NCOA2: variants seen among roughly 807,000 people sequenced by gnomAD.
NCOA2 encodes nuclear receptor coactivator 2.
NCOA2 carries 21 observed loss-of-function variants against 145.1 expected under a neutral mutation model. That is an observed-to-expected ratio of 0.14 (90% CI 0.10 to 0.21). The LOEUF is 0.21. NCOA2 is among the 10% of genes least tolerant of loss of function. NCOA2 has a pLI of 1.00. For synonymous variants in NCOA2, 619 were observed against 637.5 expected, an observed-to-expected ratio of 0.97 and a Z score of 0.44; for missense variants, 1,472 against 1,837.6, an observed-to-expected ratio of 0.80 and a Z score of 3.64.
At chr8:70,126,718 A>G in intron 19 of NCOA2, 95 bp downstream of exon 19, 1 of 1,059,624 alleles carries the variant, frequency 9.4e-7, no homozygotes, top group Non-Finnish European at 1.4e-6. Flanking sequence ...TCTGGGAGCC[A>G]TGCAAAGAGC....
intron 2 of NCOA2, chr8:70,273,359 AT>A: frequency 1.7e-6 from 1 of 584,894 alleles, no homozygotes; most frequent in Non-Finnish European, 2.8e-6. Flanking sequence ...GCAGCCCCTT[AT>A]CCGCTGCGAC....
chr8:70,304,384 G>C (rs1827726085), intron 1 of NCOA2, among the ~76,000 whole-genome samples: 1 of 152,176 alleles, frequency 6.6e-6, no homozygotes, highest in African/African-American at 2.4e-5. Context: ...TATGTAGCAG[G>C]CTAGACCATC....
rs532863526 is a variant in NCOA2, at chr8:70,160,570, A to T, written c.977-918T>A. ...AAGGCTACTATGTTGCTACCACATAATCCTCAGCACAAATTTTGTGGGTTG... is the reference window on the plus strand; with the variant it reads ...AAGGCTACTATGTTGCTACCACATATTCCTCAGCACAAATTTTGTGGGTTG... On this transcript the variant is annotated intron_variant, in intron 9 of 22. Coordinates refer to ENST00000452400, the MANE Select transcript of NCOA2 (RefSeq NM_006540.4). Among the ~76,000 whole-genome samples the T allele has an allele frequency of 8.4e-4, 128 of 152,030 alleles. 1 individual carries two copies. Among genetic ancestry groups the T allele is most frequent in the African/African-American group, 3.0e-3 (124 of 41,478 alleles).
At chr8:70,236,325 T>G (rs1182706798) in intron 2 of NCOA2, among the ~76,000 whole-genome samples, 1 of 152,158 alleles carries the variant, frequency 6.6e-6, no homozygotes, top group Non-Finnish European at 1.5e-5. Flanking sequence ...ACGAAGTCTG[T>G]GCTTTCTCAA....
rs909049452 is a variant in NCOA2, at chr8:70,112,718, A to G, written c.*914T>C. On this transcript the variant is annotated 3_prime_UTR_variant, in exon 23 of 23. Coordinates refer to ENST00000452400, the MANE Select transcript of NCOA2 (RefSeq NM_006540.4). The stretch of plus-strand genomic sequence containing the variant: ...AAACATTTAAGGAAATAAAGGGCTT[A>G]CCTGGTTTCTGTAGCTTATATTATT... The G allele has an allele frequency of 6.5e-4, 134 of 206,526 alleles. No homozygotes were observed. The highest frequency in any genetic ancestry group is 1.6e-4 in the Non-Finnish European group (16 of 101,194). The allele number at this position is 206,526 out of a possible 1,614,324, so 12.8% of individuals were successfully genotyped here. A position where few individuals can be genotyped will look rare whatever the true frequency, so the allele number is the denominator to read the frequency against.
At chr8:70,179,473 C>G (rs1200236934) in intron 4 of NCOA2, among the ~76,000 whole-genome samples, 1 of 152,094 alleles carries the variant, frequency 6.6e-6, no homozygotes, top group Non-Finnish European at 1.5e-5. Flanking sequence ...TAGAGAGATA[C>G]TATTATGTTA....
chr8:70,401,668 A>G (rs1319521064), intron 1 of NCOA2: 1 of 152,136 alleles, frequency 6.6e-6, no homozygotes, highest in African/African-American at 2.4e-5. Flanking sequence ...TACTACCAAT[A>G]ATCAGTTGAC....
chr8:70,356,945 A>G (rs1306393931), intron 1 of NCOA2, among the ~76,000 whole-genome samples: 1 of 152,170 alleles, frequency 6.6e-6, no homozygotes, highest in African/African-American at 2.4e-5. Context: ...CATGTCTCAT[A>G]GTCTGTTTCC....
chr8:70,119,617 T>A (rs1014697144), intron 22 of NCOA2, among the ~76,000 whole-genome samples: 1 of 152,198 alleles, frequency 6.6e-6, no homozygotes, highest in African/African-American at 2.4e-5. Flanking sequence ...CTGTTTTTAG[T>A]TTTTTGAGAA....
chr8:70,402,824 C>T (rs188608162), intron 1 of NCOA2, among the ~76,000 whole-genome samples: 4,776 of 150,436 alleles, frequency 0.032, 246 homozygotes, highest in African/African-American at 0.11. Context: ...CGCCCGCACC[C>T]AGAAAGTTCA....
chr8:70,288,591 C>CA (rs71275062), intron 2 of NCOA2, among the ~76,000 whole-genome samples: 15,544 of 119,168 alleles, frequency 0.13, 1,188 homozygotes, highest in East Asian at 0.44. Flanking sequence ...AAAACAAAAA[C>CA]AAAAAAAAAA....
chr8:70,336,613 GGAGAGAGAAAGA>G (rs1807619327), intron 1 of NCOA2, among the ~76,000 whole-genome samples: 1 of 134,928 alleles, frequency 7.4e-6, no homozygotes, highest in Non-Finnish European at 1.5e-5. Flanking sequence ...AGACAGAGAG[GGAGAGAGAAAGA>G]GAGAGAGAAA....
At chr8:70,423,067 G>A in the NCOA2 span, among the ~76,000 whole-genome samples, 1 of 151,580 alleles carries the variant, frequency 6.6e-6, no homozygotes, top group African/African-American at 2.4e-5. Context: ...TCCTGATTGG[G>A]ATGTTCATGG....
At chr8:70,145,884 GC>G (rs1195897792) in intron 12 of NCOA2, among the ~76,000 whole-genome samples, 2 of 152,064 alleles carry the variant, frequency 1.3e-5, no homozygotes, top group Non-Finnish European at 2.9e-5. Flanking sequence ...TCCTGCCTTG[GC>G]CCCCCAAAGT....
chr8:70,379,801 T>C (rs12679364), intron 1 of NCOA2, among the ~76,000 whole-genome samples: 37,086 of 151,514 alleles, frequency 0.24, 5,701 homozygotes, highest in East Asian at 0.57. Context: ...ATACATAAAA[T>C]TTAGAGCAAC....
At position 70,148,901 on chromosome 8, in the gene NCOA2, CA is replaced by C. The variant is rs1811421539; in HGVS notation, c.2395-419del. On this transcript the variant is annotated intron_variant, in intron 11 of 22. Transcript: ENST00000452400. ...AAAACTCCCTAAGAAATAACAACAA[CA>C]AAAAACTGGCATATAATGTAATCCA... is the stretch of plus-strand genomic sequence containing the variant. Among the ~76,000 whole-genome samples, 3 of 151,722 alleles carry C rather than the reference CA, an allele frequency of 2.0e-5. No homozygotes were observed. In the South Asian group the frequency reaches 6.2e-4, roughly 31 times the overall value.
intron 1 of NCOA2, among the ~76,000 whole-genome samples, chr8:70,399,397 T>G (rs1008080644): frequency 6.6e-6 from 1 of 152,166 alleles, no homozygotes; most frequent in African/African-American, 2.4e-5. Flanking sequence ...GAAGGTTTTG[T>G]TCCATTTTCC....
At chr8:70,417,737 T>C in the NCOA2 span, among the ~76,000 whole-genome samples, 3 of 152,126 alleles carry the variant, frequency 2.0e-5, no homozygotes. Flanking sequence ...CTGAATTGGG[T>C]TGTAGTTTTT....
At chr8:70,453,354 C>T in the NCOA2 span, among the ~76,000 whole-genome samples, 658 of 152,312 alleles carry the variant, frequency 4.3e-3, 4 homozygotes, top group African/African-American at 0.014. Flanking sequence ...CCTAGGCTCA[C>T]GCAGAAATTA....
Sources: gnomAD v4.1 joint callset for allele counts (sites outside exome capture counted in the v4.1 genomes callset) on GRCh38, gnomAD v4.1.1 for gene constraint, MANE v1.5 for transcripts, NCBI Gene and HGNC (gene_info 2026-07-23, HGNC 2026-07-21) for gene names.